Variants in TRAT1 observed in about 807,000 individuals in gnomAD.
TRAT1 encodes T-cell receptor-associated transmembrane adapter 1.
In TRAT1, 20 loss-of-function variants were observed where a neutral mutation model predicts 20.0. The observed-to-expected ratio is 1.00, with a 90% CI of 0.70 to 1.45. The LOEUF is 1.45. Among genes scored for constraint, TRAT1 ranks in the 40% most tolerant of loss-of-function variants. The pLI is 0.00. For missense variants in TRAT1, 237 were observed against 224.1 expected (o/e 1.06, Z -0.37); for synonymous variants, 77 against 74.2 (o/e 1.04, Z -0.20).
intron 1 of TRAT1, among the ~76,000 whole-genome samples, chr3:108,825,124 TA>T (rs35098977): frequency 0.53 from 81,202 of 151,872 alleles, 22,393 homozygotes; most frequent in Non-Finnish European, 0.61. Flanking sequence ...CAGATGATAG[TA>T]TTTTTTATAT....
At chr3:108,839,037 AAAGATTTGGCTCATGG>A (rs945749727) in intron 3 of TRAT1, 70 bp downstream of exon 3, 17 of 1,224,828 alleles carry the variant, frequency 1.4e-5, no homozygotes, top group Non-Finnish European at 1.9e-5. Flanking sequence ...TATATTGTTT[AAAGATTTGGCTCATGG>A]ATATTGTACT....
chr3:108,844,305 A>C (rs796955842), intron 3 of TRAT1, among the ~76,000 whole-genome samples: 141 of 151,644 alleles, frequency 9.3e-4, no homozygotes, highest in African/African-American at 3.0e-3. Flanking sequence ...CAAGGTGATC[A>C]GGTAGAAGTA....
chr3:108,852,713 A>G (rs1382862076), intron 5 of TRAT1, among the ~76,000 whole-genome samples: 1 of 152,230 alleles, frequency 6.6e-6, no homozygotes, highest in African/African-American at 2.4e-5. Context: ...CAGTAGTTAT[A>G]ACTTTCATAT....
At chr3:108,828,962 G>T (rs539640769) in intron 1 of TRAT1, among the ~76,000 whole-genome samples, 1 of 152,010 alleles carries the variant, frequency 6.6e-6, no homozygotes, top group African/African-American at 2.4e-5. Context: ...TTTCACACAG[G>T]CAAGGTCAAA....
intron 2 of TRAT1, 69 bp from the exon 3 acceptor site, chr3:108,838,865 A>G: frequency 8.1e-7 from 1 of 1,230,312 alleles, no homozygotes; most frequent in Non-Finnish European, 1.2e-6. Flanking sequence ...CCCTCAGAAC[A>G]CACTTTAGAA....
At chr3:108,836,722 G>A (rs1945845645) in intron 2 of TRAT1, among the ~76,000 whole-genome samples, 1 of 152,174 alleles carries the variant, frequency 6.6e-6, no homozygotes, top group African/African-American at 2.4e-5. Flanking sequence ...CCTCTGACAT[G>A]TACTCTGTGA....
At position 108,830,551 on chromosome 3, in the gene TRAT1, G is replaced by A. The variant is rs1014954312; in HGVS notation, c.8-119G>A. On this transcript the variant is annotated intron_variant, in intron 1 of 5. Coordinates refer to ENST00000295756, the MANE Select transcript of TRAT1 (RefSeq NM_016388.4). Reference sequence around the variant, plus strand: ...AGTTATGAATATTAATTAGTTTCCCGGTAGAGACTGTGTACTTCATTATGA... The same window carrying A: ...AGTTATGAATATTAATTAGTTTCCCAGTAGAGACTGTGTACTTCATTATGA... 14 of 667,228 alleles carry A rather than the reference G, an allele frequency of 2.1e-5. 1 individual carries two copies. The highest frequency in any genetic ancestry group is 1.1e-4 in the African/African-American group (6 of 55,950). The allele number at this position is 667,228 out of a possible 1,614,324, so 41.3% of individuals were successfully genotyped here. A position where few individuals can be genotyped will look rare whatever the true frequency, so the allele number is the denominator to read the frequency against.
Position 108,853,976 on chromosome 3 carries a change from A to C in TRAT1, c.*99A>C. 8.6e-7 allele frequency: 1 copy of C among 1,156,238 alleles called. No homozygotes were observed. The highest frequency in any genetic ancestry group is 1.3e-6 in the Non-Finnish European group (1 of 795,750). 71.6% of individuals were successfully genotyped at this position (1,156,238 alleles called of 1,614,324 possible). On this transcript the variant is annotated 3_prime_UTR_variant, in exon 6 of 6. Transcript: ENST00000295756. ...CACAGAAGGACTTGGCAGCAGGGTG[A>C]TGACCTGATCATTTGTTGATGGGAT...
chr3:108,830,328 C>T (rs1945781579), intron 1 of TRAT1, among the ~76,000 whole-genome samples: 1 of 152,178 alleles, frequency 6.6e-6, no homozygotes, highest in Admixed American at 6.5e-5. Context: ...AAAAGTATAG[C>T]AAACTAGAAT....
chr3:108,850,794 A>C (rs546400421), intron 5 of TRAT1, among the ~76,000 whole-genome samples: 2 of 152,352 alleles, frequency 1.3e-5, no homozygotes, highest in Admixed American at 6.5e-5. Flanking sequence ...GTTAAAATAC[A>C]TTATCTGAAG....
At chr3:108,839,293 CA>C (rs1945870133) in intron 3 of TRAT1, 2 of 274,044 alleles carry the variant, frequency 7.3e-6, no homozygotes, top group Admixed American at 1.1e-4. Flanking sequence ...TGCTACACTT[CA>C]AAATCCATAG....
intron 1 of TRAT1, among the ~76,000 whole-genome samples, chr3:108,830,066 A>C (rs770833038): frequency 1.1e-4 from 17 of 152,134 alleles, no homozygotes; most frequent in Non-Finnish European, 2.1e-4. Flanking sequence ...AGATGGTAAT[A>C]CTGATTATCC....
intron 1 of TRAT1, among the ~76,000 whole-genome samples, chr3:108,826,450 T>C (rs1204459126): frequency 5.9e-5 from 9 of 152,266 alleles, no homozygotes; most frequent in Non-Finnish European, 1.0e-4. Context: ...CTGGAACTGA[T>C]TTGCGAGCCC....
chr3:108,828,128 T>A (rs1349541497), intron 1 of TRAT1, among the ~76,000 whole-genome samples: 2 of 152,198 alleles, frequency 1.3e-5, no homozygotes, highest in African/African-American at 4.8e-5. Context: ...TTTCTGTTTA[T>A]TTCCTTGAAG....
At chr3:108,837,805 T>C (rs1047880399) in intron 2 of TRAT1, among the ~76,000 whole-genome samples, 1 of 152,194 alleles carries the variant, frequency 6.6e-6, no homozygotes, top group African/African-American at 2.4e-5. Flanking sequence ...AATTTACTGA[T>C]GAATGGATAA....
chr3:108,832,518 A>T (rs964384322), intron 2 of TRAT1, among the ~76,000 whole-genome samples: 1 of 152,234 alleles, frequency 6.6e-6, no homozygotes, highest in Non-Finnish European at 1.5e-5. Context: ...ACTTTGCTTT[A>T]TATATCGAAT....
chr3:108,828,891 T>C (rs1357970054), intron 1 of TRAT1, among the ~76,000 whole-genome samples: 1 of 152,172 alleles, frequency 6.6e-6, no homozygotes, highest in Non-Finnish European at 1.5e-5. Flanking sequence ...AACTGGGACA[T>C]GTCCAGAATA....
chr3:108,837,750 A>G (rs924865543), intron 2 of TRAT1, among the ~76,000 whole-genome samples: 2 of 152,182 alleles, frequency 1.3e-5, no homozygotes, highest in African/African-American at 4.8e-5. Flanking sequence ...TTCAAATATA[A>G]TAAACATTGT....
At chr3:108,828,600 T>C (rs1032032063) in intron 1 of TRAT1, among the ~76,000 whole-genome samples, 3 of 152,216 alleles carry the variant, frequency 2.0e-5, no homozygotes, top group Non-Finnish European at 2.9e-5. Context: ...ATGTATTAAA[T>C]AATGTCTTCC....
Sources: allele counts gnomAD v4.1 joint callset (sites outside exome capture counted in the v4.1 genomes callset), GRCh38; gene constraint gnomAD v4.1.1; transcripts MANE v1.5; gene names NCBI Gene and HGNC (gene_info 2026-07-23, HGNC 2026-07-21).